Variants in UVRAG observed in about 807,000 individuals in gnomAD.
UVRAG encodes the protein UV radiation resistance associated.
UVRAG carries 19 observed loss-of-function variants against 78.0 expected under a neutral mutation model. The observed-to-expected ratio is 0.24, with a 90% CI of 0.17 to 0.36. UVRAG has a LOEUF of 0.36. Among genes scored for constraint, UVRAG ranks in the 10% least tolerant of loss-of-function variants. UVRAG has a pLI of 1.00. For synonymous variants in UVRAG, 323 were observed against 324.6 expected, an observed-to-expected ratio of 1.00 and a Z score of 0.05; for missense variants, 740 against 853.8, an observed-to-expected ratio of 0.87 and a Z score of 1.66.
intron 12 of UVRAG, among the ~76,000 whole-genome samples, chr11:76,019,859 T>G (rs547797824): frequency 1.3e-5 from 2 of 152,276 alleles, no homozygotes; most frequent in South Asian, 4.1e-4. Context: ...CTCAAGACCC[T>G]GTGGCTCTAC....
chr11:76,127,999 T>C (rs995019894), intron 14 of UVRAG, among the ~76,000 whole-genome samples: 3 of 151,336 alleles, frequency 2.0e-5, no homozygotes, highest in African/African-American at 7.3e-5. Context: ...AAGATGGGCA[T>C]ACTTAAATGA....
At chr11:76,003,957 A>G in intron 8 of UVRAG, 48 bp from the exon 9 acceptor site, 1 of 1,557,100 alleles carries the variant, frequency 6.4e-7, no homozygotes, top group Admixed American at 1.7e-5. Context: ...GTTGTGATTG[A>G]GTAATCCTAT....
intron 6 of UVRAG, among the ~76,000 whole-genome samples, chr11:75,952,756 A>G (rs149315887): frequency 1.6e-4 from 25 of 151,646 alleles, no homozygotes; most frequent in East Asian, 1.4e-3. Context: ...TTTTTTTCCT[A>G]TAGTGTTCGT....
intron 12 of UVRAG, among the ~76,000 whole-genome samples, chr11:76,034,600 T>C (rs1247897864): frequency 6.6e-6 from 1 of 152,178 alleles, no homozygotes; most frequent in Non-Finnish European, 1.5e-5. Flanking sequence ...ATAAGGTCAA[T>C]GTGGGTGGTT....
chr11:76,076,493 C>T (rs949399671), intron 13 of UVRAG, among the ~76,000 whole-genome samples: 1 of 152,200 alleles, frequency 6.6e-6, no homozygotes, highest in Non-Finnish European at 1.5e-5. Flanking sequence ...GACCTGCTCC[C>T]ATGATTCAAT....
chr11:76,094,253 A>G (rs7114434), intron 13 of UVRAG, among the ~76,000 whole-genome samples: 21,119 of 152,072 alleles, frequency 0.14, 3,800 homozygotes, highest in African/African-American at 0.42. Context: ...TGCTGGATTC[A>G]GTTTGCCAGT....
At chr11:75,839,813 T>TTG (rs900792584) in intron 1 of UVRAG, among the ~76,000 whole-genome samples, 10 of 132,376 alleles carry the variant, frequency 7.6e-5, no homozygotes, top group Middle Eastern at 4.2e-3. Flanking sequence ...GTGTGTGTTT[T>TTG]TGTGTGTGTG....
intron 13 of UVRAG, among the ~76,000 whole-genome samples, chr11:76,073,223 TCTG>T (rs1483683025): frequency 6.6e-6 from 1 of 152,188 alleles, no homozygotes; most frequent in African/African-American, 2.4e-5. Flanking sequence ...ATAAATCACT[TCTG>T]CTGCATACTG....
Position 76,142,400 on chromosome 11 carries a change from A to AGT in UVRAG, c.*987_*988insGT, listed in dbSNP as rs1952739426. The stretch of plus-strand genomic sequence containing the variant: ...GAGAGTTGGGGTGTCTGGTAGGCAA[A>AGT]CTGCAAGGCAGTTGAGATAGTTGGA... On this transcript the variant is annotated 3_prime_UTR_variant, in exon 15 of 15. Coordinates refer to ENST00000356136, the MANE Select transcript of UVRAG (RefSeq NM_003369.4). 5 of 152,466 alleles carry AGT rather than the reference A, an allele frequency of 3.3e-5. No individual in the cohort carries two copies. The East Asian group carries it at 5.8e-4, about 18-fold the overall frequency. 9.4% of individuals were successfully genotyped at this position (152,466 alleles called of 1,614,324 possible).
At chr11:75,906,993 A>G (rs768588793) in intron 5 of UVRAG, among the ~76,000 whole-genome samples, 17 of 152,132 alleles carry the variant, frequency 1.1e-4, no homozygotes, top group Non-Finnish European at 1.6e-4. Context: ...AATTTTGGCT[A>G]TTGACCCCTT....
intron 8 of UVRAG, among the ~76,000 whole-genome samples, chr11:75,989,683 T>C (rs916395165): frequency 4.6e-5 from 7 of 152,250 alleles, no homozygotes; most frequent in African/African-American, 1.7e-4. Flanking sequence ...AAAGACATGC[T>C]CAAATACTAC....
At position 75,852,137 on chromosome 11, in the gene UVRAG, GA is replaced by G. The variant is rs1202618974; in HGVS notation, c.235+138del. On this transcript the variant is annotated intron_variant, in intron 2 of 14. Transcript: ENST00000356136. ...GTTATGCTGTCTGAAAATATCTCAT[GA>G]GCAGTTGGGATGTATACTAAAGAAA... The G allele has an allele frequency of 6.8e-6, 4 of 588,256 alleles. No individual in the cohort carries two copies. In the African/African-American group the frequency reaches 7.6e-5, roughly 11 times the overall value. 36.4% of individuals were successfully genotyped at this position (588,256 alleles called of 1,614,324 possible).
In UVRAG at chr11:75,861,741, TC is replaced by T; in HGVS notation, c.236-3del. 2.5e-6 allele frequency: 4 copies of T among 1,602,448 alleles called. No individual in the cohort carries two copies. In the South Asian group the frequency reaches 3.3e-5, roughly 13 times the overall value. ...CACTTATTGTTCTTTTTTCTTCTTT[TC>T]CAGAATTTTATAGAAGTGAAGTGAT... On this transcript the variant is annotated splice_region_variant and splice_polypyrimidine_tract_variant and intron_variant, in intron 2 of 14. Coordinates refer to ENST00000356136, the MANE Select transcript of UVRAG (RefSeq NM_003369.4).
At chr11:75,829,809 T>A (rs966686501) in intron 1 of UVRAG, among the ~76,000 whole-genome samples, 1 of 152,252 alleles carries the variant, frequency 6.6e-6, no homozygotes. Flanking sequence ...CTGAAATTAT[T>A]AATTTTCATG....
intron 1 of UVRAG, among the ~76,000 whole-genome samples, chr11:75,832,710 A>T (rs1466787762): frequency 6.6e-6 from 1 of 152,178 alleles, no homozygotes; most frequent in Admixed American, 6.5e-5. Flanking sequence ...GTCAGGGGGT[A>T]GAGCTAAAAG....
chr11:76,078,531 A>G (rs987533372), intron 13 of UVRAG, among the ~76,000 whole-genome samples: 6 of 151,858 alleles, frequency 4.0e-5, no homozygotes, highest in African/African-American at 1.4e-4. Flanking sequence ...AATGAAAGGA[A>G]TGAAATTTTG....
intron 13 of UVRAG, among the ~76,000 whole-genome samples, chr11:76,076,036 A>G (rs1951398579): frequency 1.3e-5 from 2 of 152,178 alleles, no homozygotes; most frequent in Non-Finnish European, 2.9e-5. Context: ...TGGCTGTTAT[A>G]AGAATGCTGT....
chr11:75,985,154 CTTTT>C (rs796594987), intron 8 of UVRAG, among the ~76,000 whole-genome samples: 7 of 128,602 alleles, frequency 5.4e-5, no homozygotes, highest in Admixed American at 2.3e-4. Flanking sequence ...AATTTCTTTT[CTTTT>C]TTTTTTTTTT....
At chr11:75,929,073 T>A (rs1432269476) in intron 6 of UVRAG, among the ~76,000 whole-genome samples, 2 of 151,902 alleles carry the variant, frequency 1.3e-5, no homozygotes, top group Non-Finnish European at 2.9e-5. Context: ...TTTTCCAACA[T>A]TTTAAATGAT....
Sources: gnomAD v4.1 joint callset for allele counts (sites outside exome capture counted in the v4.1 genomes callset) on GRCh38, gnomAD v4.1.1 for gene constraint, MANE v1.5 for transcripts, NCBI Gene and HGNC (gene_info 2026-07-23, HGNC 2026-07-21) for gene names.